Variants in GEMIN4 observed in about 807,000 individuals in gnomAD.
The protein encoded by GEMIN4 is gem-associated protein 4.
In GEMIN4, 59 loss-of-function variants were observed where a neutral mutation model predicts 76.8. The ratio of observed to expected loss-of-function variants is 0.77; its 90% CI spans 0.62 to 0.95. GEMIN4 has a LOEUF of 0.95. GEMIN4 is among the 40% of genes least tolerant of loss of function. The pLI, the probability that GEMIN4 is intolerant of heterozygous loss-of-function variation, is 0.00. For synonymous variants in GEMIN4, 562 were observed against 559.7 expected (o/e 1.00, Z -0.06); for missense variants, 1,311 against 1,318.9 (o/e 0.99, Z 0.09).
rs1597550381 is a variant in GEMIN4 at position 745,054 on chromosome 17, C to A, written c.2989G>T (p.Val997Phe). 1 of 1,613,814 alleles carries A rather than the reference C, an allele frequency of 6.2e-7. No individual in the cohort carries two copies. Among genetic ancestry groups the A allele is most frequent in the Non-Finnish European group, 8.5e-7 (1 of 1,179,860 alleles). ...LHIMAMLHPE[V>F]CEPLYVLALE... ...GCTAAAACGTAGAGTGGCTCACAGACCTCCGGGTGGAGCATGGCCATGATG... is the reference window on the plus strand; with the variant it reads ...GCTAAAACGTAGAGTGGCTCACAGAACTCCGGGTGGAGCATGGCCATGATG... Residue 997 changes from valine (V) to phenylalanine (F), a missense_variant, in exon 2 of 2, where the codon GTC (valine) becomes TTC (phenylalanine). By Grantham distance (50) the Val-to-Phe change is conservative. Around this residue, in one of 2 missense-constraint regions of GEMIN4, gnomAD observed 1,208 missense variants for 1,166.9 expected, o/e 1.04. Transcript: ENST00000319004. This position sits in a 1 kb window ranked among gnomAD's most constrained non-coding sequence, Gnocchi z 4.6.
rs776428354 is a variant in GEMIN4, at chr17:746,909, C to T, written c.1134G>A (p.Glu378=). 6.2e-7 allele frequency: 1 copy of T among 1,613,766 alleles called. No homozygotes were observed. Residue 378 remains glutamate (E), a synonymous_variant, in exon 2 of 2, where the codon GAG becomes GAA. Transcript: ENST00000319004. The surrounding 1 kb of genome is among the most constrained non-coding windows in gnomAD (Gnocchi z 4.3). ...GGAAGTCCCTGACACACTCCGCCAG[C>T]TCAGAGACCACCTGCCTGTCCTCCT... is the stretch of plus-strand genomic sequence containing the variant. The part of the protein sequence containing the change: ...LSKEDRQVVS[E]LAECVRDFLR...
Position 747,543 on chromosome 17 carries a change from A to C in GEMIN4, c.500T>G (p.Val167Gly), listed in dbSNP as rs1196907230. Reference protein sequence around the residue: ...VAFFLDVWWEVMKHKGHPQDP... With the variant: ...VAFFLDVWWEGMKHKGHPQDP... Reference sequence around the variant, plus strand: ...CTGCGGGTGACCCTTGTGCTTCATCACCTCCCACCAGACGTCCAGGAAGAA... The same window carrying C: ...CTGCGGGTGACCCTTGTGCTTCATCCCCTCCCACCAGACGTCCAGGAAGAA... The change falls in exon 2 of 2, where the codon GTG (valine) becomes GGG (glycine). Residue 167 changes from valine (V) to glycine (G), a missense_variant. Val to Gly is a moderately radical substitution (Grantham distance 109). Coordinates refer to ENST00000319004, the MANE Select transcript of GEMIN4 (RefSeq NM_015721.3). 1 of 1,613,384 alleles carries C rather than the reference A, an allele frequency of 6.2e-7. No homozygotes were observed. Among genetic ancestry groups the C allele is most frequent in the Admixed American group, 1.7e-5 (1 of 59,994 alleles).
upstream of GEMIN4, chr17:754,315 G>C (rs1441215818): frequency 6.6e-6 from 1 of 152,198 alleles, no homozygotes. Context: ...GGCGGCTGGA[G>C]TATGGAGTAG....
chr17:745,784 G>T lies in GEMIN4; in HGVS notation c.2259C>A (p.Ile753=). 6.2e-7 allele frequency: 1 copy of T among 1,612,362 alleles called. No individual in the cohort carries two copies. Among genetic ancestry groups the T allele is most frequent in the South Asian group, 1.1e-5 (1 of 90,780 alleles). The change falls in exon 2 of 2, where the codon ATC becomes ATA. Residue 753 remains isoleucine (I), a synonymous_variant. Transcript: ENST00000319004. The surrounding 1 kb of genome is among the most constrained non-coding windows in gnomAD (Gnocchi z 4.6). The stretch of plus-strand genomic sequence containing the variant: ...TGCGGTGGAGCCAGGACAGGGACTT[G>T]ATCCAGACATCCGGGGAGAAGGTCT... ...NAETFSPDVW[I]KSLSWLHRKL...
chr17:744,891 A>G lies in GEMIN4; in HGVS notation c.3152T>C (p.Leu1051Pro), dbSNP rs1974328041. The change falls in exon 2 of 2, where the codon CTG becomes CCG. Residue 1051 changes from leucine to proline, a missense_variant. By Grantham distance (98) the Leu-to-Pro change is moderately conservative (BLOSUM62 -3). Transcript: ENST00000319004. ...GIGPEERRQT[L>P]LQKMSSF ...TCAGAAGCTGCTCATCTTCTGCAAC[A>G]GGGTTTGGCGCCGTTCTTCAGGGCC... The G allele has an allele frequency of 1.2e-6, 2 of 1,611,750 alleles. No individual in the cohort carries two copies. The highest frequency in any genetic ancestry group is 1.7e-6 in the Non-Finnish European group (2 of 1,178,910).
At chr17:750,993 G>A (rs1390114545) in intron 1 of GEMIN4, among the ~76,000 whole-genome samples, 2 of 152,154 alleles carry the variant, frequency 1.3e-5, no homozygotes, top group Non-Finnish European at 2.9e-5. Flanking sequence ...TGGCTTAGTT[G>A]AGCAGATGTT....
chr17:748,254 C>G (rs996345106), intron 1 of GEMIN4: 2 of 543,428 alleles, frequency 3.7e-6, no homozygotes, highest in Non-Finnish European at 6.5e-6. Flanking sequence ...ACTGGGAGGC[C>G]ACCAGGTGAC....
intron 1 of GEMIN4, chr17:750,122 G>A: frequency 2.9e-6 from 1 of 344,918 alleles, no homozygotes; most frequent in Non-Finnish European, 4.1e-6. Flanking sequence ...TTGGGGGGCT[G>A]AGGCAGGTGG....
chr17:747,301 T>C lies in GEMIN4; in HGVS notation c.742A>G (p.Thr248Ala). ...TCGTCCTCTGTCAGCGCAAACACAG[T>C]CAGCATGTCAGCCAGGTTGGCCAGC... is the stretch of plus-strand genomic sequence containing the variant. The part of the protein sequence containing the change: ...CALANLADML[T>A]VFALTEDDPQ... The change falls in exon 2 of 2, where the codon ACT (threonine) becomes GCT (alanine). Residue 248 changes from threonine (T) to alanine (A), a missense_variant. Physicochemically the swap from Thr to Ala is moderately conservative, Grantham distance 58. This residue lies in a region of GEMIN4 where 1,208 missense variants were observed against 1,166.9 expected (regional missense o/e 1.04). Transcript: ENST00000319004. 1 of 1,613,724 alleles carries C rather than the reference T, an allele frequency of 6.2e-7. No individual in the cohort carries two copies. The highest frequency in any genetic ancestry group is 1.1e-5 in the South Asian group (1 of 91,082).
upstream of GEMIN4, chr17:752,339 A>T (rs1031821182): frequency 7.5e-6 from 9 of 1,195,996 alleles, no homozygotes; most frequent in African/African-American, 1.4e-4. Context: ...CGCCAAGCGC[A>T]CAGCGCCGCC....
At chr17:748,181 A>AG in intron 1 of GEMIN4, 149 bp from the exon 2 acceptor site, 1 of 638,708 alleles carries the variant, frequency 1.6e-6, no homozygotes, top group Non-Finnish European at 2.7e-6. Flanking sequence ...GCCACTGCAC[A>AG]GCTGGAGTCA....
chr17:748,448 G>A (rs1904404625), intron 1 of GEMIN4: 1 of 179,826 alleles, frequency 5.6e-6, no homozygotes, highest in Non-Finnish European at 1.2e-5. Flanking sequence ...AACCAAGACG[G>A]TGAATGAGAT....
chr17:745,145 T>C lies in GEMIN4; in HGVS notation c.2898A>G (p.Gly966=). Residue 966 remains glycine (G), a synonymous_variant, in exon 2 of 2, where the codon GGA becomes GGG. Transcript: ENST00000319004. This position sits in a 1 kb window ranked among gnomAD's most constrained non-coding sequence, Gnocchi z 4.6. ...AIQAAGPWVQ[G]PEQDLTQEAL... ...CTTCCTGGGTCAGGTCCTGCTCTGG[T>C]CCTTGAACCCAAGGGCCAGCTGCCT... 1.2e-6 allele frequency: 2 copies of C among 1,607,158 alleles called. No individual in the cohort carries two copies. Among genetic ancestry groups the C allele is most frequent in the South Asian group, 1.1e-5 (1 of 90,042 alleles).
Position 747,291 on chromosome 17 carries a change from G to A in GEMIN4, c.752C>T (p.Ala251Val), listed in dbSNP as rs757149711. ...CTCCTGGGGGTCGTCCTCTGTCAGC[G>A]CAAACACAGTCAGCATGTCAGCCAG... is the stretch of plus-strand genomic sequence containing the variant. ...ANLADMLTVF[A>V]LTEDDPQEVS... The change falls in exon 2 of 2, where the codon GCG becomes GTG. Residue 251 changes from alanine to valine, a missense_variant. By Grantham distance (64) the Ala-to-Val change is moderately conservative (BLOSUM62 0). This residue lies in a region of GEMIN4 where 1,208 missense variants were observed against 1,166.9 expected (regional missense o/e 1.04). Coordinates refer to ENST00000319004, the MANE Select transcript of GEMIN4 (RefSeq NM_015721.3). 3.1e-6 allele frequency: 5 copies of A among 1,613,802 alleles called. No homozygotes were observed. In the South Asian group the frequency reaches 3.3e-5, roughly 11 times the overall value.
rs1884726 is a variant in GEMIN4, at chr17:752,053, G to A, written c.10+80C>T. The A allele has an allele frequency of 0.17, 167,359 of 973,238 alleles. 15,506 individuals are homozygous for A. Among genetic ancestry groups the A allele is most frequent in the African/African-American group, 0.28 (16,514 of 59,380 alleles). The allele number at this position is 973,238 out of a possible 1,614,324, so 60.3% of individuals were successfully genotyped here. ...CGGGCCCGCGCGAGCGTGCGCGACA[G>A]GAGGAGACGCGACGGGGCAGCACCG... On this transcript the variant is annotated intron_variant, in intron 1 of 1. Transcript: ENST00000319004.
In GEMIN4 at chr17:747,904, C is replaced by T. The variant is rs138673289; in HGVS notation, c.139G>A (p.Val47Met). 4.1e-3 allele frequency: 6,542 copies of T among 1,613,896 alleles called. 30 individuals are homozygous for T. Among genetic ancestry groups the T allele is most frequent in the Non-Finnish European group, 4.9e-3 (5,800 of 1,179,892 alleles). ...SDWERVGRPI[V>M]EALREISSAA... ...GAGGAGATCTCCCTTAAGGCCTCCA[C>T]GATGGGCCGTCCAACACGTTCCCAG... Residue 47 changes from valine to methionine, a missense_variant, in exon 2 of 2, where the codon GTG (valine) becomes ATG (methionine). Coordinates refer to ENST00000319004, the MANE Select transcript of GEMIN4 (RefSeq NM_015721.3).
upstream of GEMIN4, chr17:753,916 C>G (rs28734916): frequency 6.6e-6 from 1 of 152,232 alleles, no homozygotes; most frequent in Admixed American, 6.5e-5. Flanking sequence ...CTCCTAAACA[C>G]TAAAGTCAAG....
intron 1 of GEMIN4, among the ~76,000 whole-genome samples, chr17:749,571 C>G (rs62068258): frequency 7.3e-6 from 1 of 137,920 alleles, no homozygotes; most frequent in Non-Finnish European, 1.5e-5. Context: ...ATGGGCACAG[C>G]AGCAATCACA....
chr17:752,183 C>G lies in GEMIN4; in HGVS notation c.-41G>C. ...GGCTGCGCGGGGCTAACGCCCCCTC[C>G]CCTCCGAGAACTCGAACGCGGCGCG... On this transcript the variant is annotated 5_prime_UTR_variant, in exon 1 of 2. Transcript: ENST00000319004. The G allele has an allele frequency of 1.6e-6, 2 of 1,233,840 alleles. No homozygotes were observed. Among genetic ancestry groups the G allele is most frequent in the Non-Finnish European group, 2.0e-6 (2 of 988,300 alleles). 76.4% of individuals were successfully genotyped at this position (1,233,840 alleles called of 1,614,324 possible).
Sources: allele counts gnomAD v4.1 joint callset (sites outside exome capture counted in the v4.1 genomes callset), GRCh38; gene constraint gnomAD v4.1.1; regional missense constraint gnomAD v4.1.1; non-coding constraint Gnocchi (gnomAD v3.1); transcripts MANE v1.5; gene names NCBI Gene and HGNC (gene_info 2026-07-23, HGNC 2026-07-21).